GFM1: variants seen among roughly 807,000 people sequenced by gnomAD.
GFM1 encodes the protein G elongation factor mitochondrial 1.
Under a neutral mutation model 96.2 loss-of-function variants are expected in GFM1, and 62 were observed. The ratio of observed to expected loss-of-function variants is 0.64; its 90% CI spans 0.53 to 0.80. The LOEUF (loss-of-function observed/expected upper bound fraction) is 0.80, where lower values mean the gene tolerates loss of function less well. GFM1 is among the 30% of genes least tolerant of loss of function. The pLI is 0.00. For missense variants in GFM1, 852 were observed against 916.6 expected, an observed-to-expected ratio of 0.93 and a Z score of 0.91; for synonymous variants, 282 against 312.9, an observed-to-expected ratio of 0.90 and a Z score of 1.04.
At chr3:158,688,167 T>G (rs988361703) in intron 15 of GFM1, among the ~76,000 whole-genome samples, 47 of 152,332 alleles carry the variant, frequency 3.1e-4, no homozygotes, top group Admixed American at 9.8e-4. Flanking sequence ...TTTAAATGTT[T>G]TCATGATACT....
At chr3:158,668,965 A>G (rs1180751586) in intron 13 of GFM1, 3 of 1,543,616 alleles carry the variant, frequency 1.9e-6, no homozygotes, top group South Asian at 2.3e-5. Context: ...TATTAACCCC[A>G]TTAATAGTGT....
chr3:158,674,188 C>G (rs1319869790), intron 13 of GFM1, among the ~76,000 whole-genome samples: 2 of 150,318 alleles, frequency 1.3e-5, no homozygotes, highest in Non-Finnish European at 2.9e-5. Context: ...TCAAGCATTT[C>G]TCCTGCCTCA....
At chr3:158,690,488 TTAAAAA>T (rs1726220796) in intron 16 of GFM1, 165 bp downstream of exon 16, 1 of 649,190 alleles carries the variant, frequency 1.5e-6, no homozygotes, top group Non-Finnish European at 2.7e-6. Flanking sequence ...AGTGCAGAAG[TTAAAAA>T]TAAGATTTAT....
chr3:158,683,544 TACTG>T (rs1725583642), intron 14 of GFM1, among the ~76,000 whole-genome samples: 1 of 152,256 alleles, frequency 6.6e-6, no homozygotes, highest in African/African-American at 2.4e-5. Context: ...TTCTAGTTCT[TACTG>T]ACGTTTTGTA....
intron 15 of GFM1, among the ~76,000 whole-genome samples, chr3:158,686,333 AAG>A (rs1725839443): frequency 6.8e-6 from 1 of 148,096 alleles, no homozygotes; most frequent in African/African-American, 2.5e-5. Context: ...CTGTGGGAAA[AAG>A]ATACATATAT....
chr3:158,686,366 G>A (rs916577866), intron 15 of GFM1, among the ~76,000 whole-genome samples: 18 of 145,054 alleles, frequency 1.2e-4, no homozygotes, highest in African/African-American at 4.4e-4. Flanking sequence ...AATATGTTCT[G>A]TGGAAAAAAT....
chr3:158,670,112 T>C (rs962370893), intron 13 of GFM1, among the ~76,000 whole-genome samples: 3 of 152,236 alleles, frequency 2.0e-5, no homozygotes, highest in African/African-American at 7.2e-5. Flanking sequence ...TTTTAATGAA[T>C]CTCTTTATGA....
At chr3:158,664,080 G>A (rs903107309) in intron 11 of GFM1, among the ~76,000 whole-genome samples, 9 of 152,190 alleles carry the variant, frequency 5.9e-5, no homozygotes, top group African/African-American at 1.9e-4. Context: ...TTCCTCACCT[G>A]TAAAATGTGG....
In GFM1 at chr3:158,653,757, T is replaced by TAA. The variant is rs11457459; in HGVS notation, c.998+301_998+302dup. 7.3e-4 allele frequency among the ~76,000 whole-genome samples: 108 copies of TAA among 147,602 alleles called. 1 individual carries two copies. The highest frequency in any genetic ancestry group is 2.1e-3 in the African/African-American group (84 of 40,346). ...GACTAGCTGTTTTCAGACATACTGT[T>TAA]AAAAAAAAAAAAGTTTTAAGAAACA... On this transcript the variant is annotated intron_variant, in intron 7 of 17. Coordinates refer to ENST00000486715, the MANE Select transcript of GFM1 (RefSeq NM_024996.7).
At chr3:158,686,478 C>T (rs10936158) in intron 15 of GFM1, among the ~76,000 whole-genome samples, 85,477 of 148,688 alleles carry the variant, frequency 0.57, 25,310 homozygotes, top group African/African-American at 0.71. Flanking sequence ...CAGGGTGAGT[C>T]AGGTTTGGAG....
chr3:158,657,216 T>A (rs1299902472), intron 8 of GFM1: 1 of 152,186 alleles, frequency 6.6e-6, no homozygotes, highest in Non-Finnish European at 1.5e-5. Context: ...AAAATTTTTT[T>A]AATTAAAAAG....
intron 11 of GFM1, among the ~76,000 whole-genome samples, chr3:158,664,886 G>T (rs1385038659): frequency 1.3e-5 from 2 of 152,158 alleles, no homozygotes; most frequent in Admixed American, 6.5e-5. Context: ...TTTTGAAAGG[G>T]ACAAGTCTCA....
chr3:158,678,794 A>G (rs769814340), intron 13 of GFM1, among the ~76,000 whole-genome samples: 12 of 152,250 alleles, frequency 7.9e-5, no homozygotes, highest in Non-Finnish European at 1.8e-4. Flanking sequence ...ATATAATGCT[A>G]TCAAACAGCG....
At chr3:158,668,990 A>G (rs1409642336) in intron 13 of GFM1, 1 of 1,604,102 alleles carries the variant, frequency 6.2e-7, no homozygotes, top group Non-Finnish European at 8.5e-7. Context: ...TATAGAAACT[A>G]CTTACCACTT....
intron 5 of GFM1, 165 bp downstream of exon 5, chr3:158,649,322 T>C: frequency 2.0e-6 from 1 of 512,528 alleles, no homozygotes; most frequent in African/African-American, 1.9e-5. Flanking sequence ...TCGCTCCCCA[T>C]TTTATTTAGT....
chr3:158,685,519 C>T (rs1054937486), intron 15 of GFM1, among the ~76,000 whole-genome samples: 2 of 152,132 alleles, frequency 1.3e-5, no homozygotes, highest in Admixed American at 1.3e-4. Flanking sequence ...CCTAAACATT[C>T]TGTAGATCAG....
rs955249686 is a variant in GFM1 at position 158,691,074 on chromosome 3, G to A, written c.2071-65G>A. The A allele has an allele frequency of 2.0e-5, 21 of 1,069,708 alleles. 1 individual carries two copies. Among genetic ancestry groups the A allele is most frequent in the Admixed American group, 1.0e-4 (6 of 58,978 alleles). 66.3% of individuals were successfully genotyped at this position (1,069,708 alleles called of 1,614,324 possible). ...TAAAGGAATTAAATGGCTAAAATGCGTCTGTATTTTTCTCAAATATTTTCC... is the reference window on the plus strand; with the variant it reads ...TAAAGGAATTAAATGGCTAAAATGCATCTGTATTTTTCTCAAATATTTTCC... On this transcript the variant is annotated intron_variant, in intron 16 of 17. Coordinates refer to ENST00000486715, the MANE Select transcript of GFM1 (RefSeq NM_024996.7).
At chr3:158,674,166 C>T (rs1259272354) in intron 13 of GFM1, among the ~76,000 whole-genome samples, 7 of 151,004 alleles carry the variant, frequency 4.6e-5, no homozygotes, top group African/African-American at 9.8e-5. Flanking sequence ...CTGCAACCTC[C>T]ACCTCCCAGG....
chr3:158,686,397 TA>T (rs144411487), intron 15 of GFM1, among the ~76,000 whole-genome samples: 17 of 147,428 alleles, frequency 1.2e-4, no homozygotes, highest in Admixed American at 2.7e-4. Context: ...ATTTTATATA[TA>T]AAAAAATAAA....
Sources: allele counts gnomAD v4.1 joint callset (sites outside exome capture counted in the v4.1 genomes callset), GRCh38; gene constraint gnomAD v4.1.1; transcripts MANE v1.5; gene names NCBI Gene and HGNC (gene_info 2026-07-23, HGNC 2026-07-21).